CDH12: variants seen among roughly 807,000 people sequenced by gnomAD.
CDH12 encodes cadherin-12.
Under a neutral mutation model 74.1 loss-of-function variants are expected in CDH12, and 41 were observed. That is an observed-to-expected ratio of 0.55 (90% CI 0.43 to 0.72). CDH12 has a LOEUF of 0.72. Ranked by LOEUF, CDH12 falls within the 30% of genes least tolerant of loss-of-function variation. The pLI is 0.00. For missense variants in CDH12, 945 were observed against 977.2 expected (o/e 0.97, Z 0.44); for synonymous variants, 399 against 355.0 (o/e 1.12, Z -1.39).
chr5:22,080,617 A>G (rs1162773872), intron 4 of CDH12, among the ~76,000 whole-genome samples: 2 of 152,140 alleles, frequency 1.3e-5, no homozygotes, highest in African/African-American at 4.8e-5. Flanking sequence ...AAAATTGGCA[A>G]TTTGGGATCA....
chr5:22,694,932 C>T (rs138038177), intron 1 of CDH12, among the ~76,000 whole-genome samples: 3,592 of 152,024 alleles, frequency 0.024, 141 homozygotes, highest in African/African-American at 0.083. Flanking sequence ...ATCAACCCAT[C>T]ATCTAGGTTT....
At chr5:22,831,409 C>T (rs1736606325) in intron 1 of CDH12, among the ~76,000 whole-genome samples, 1 of 141,088 alleles carries the variant, frequency 7.1e-6, no homozygotes, top group South Asian at 2.3e-4. Context: ...TTCAAATGAG[C>T]CTGGAAAAGT....
intron 1 of CDH12, among the ~76,000 whole-genome samples, chr5:22,817,162 T>C (rs892048917): frequency 2.6e-5 from 4 of 152,130 alleles, no homozygotes; most frequent in Non-Finnish European, 5.9e-5. Context: ...ATGTATTATA[T>C]AATGAAGCTC....
At chr5:21,902,074 A>T (rs1408503703) in intron 6 of CDH12, among the ~76,000 whole-genome samples, 1 of 152,062 alleles carries the variant, frequency 6.6e-6, no homozygotes, top group Admixed American at 6.6e-5. Context: ...ATCTTTCAAA[A>T]TTATGCACTA....
intron 2 of CDH12, among the ~76,000 whole-genome samples, chr5:22,409,913 A>G (rs963887955): frequency 2.6e-5 from 4 of 152,116 alleles, no homozygotes; most frequent in Admixed American, 6.6e-5. Context: ...CAGCTCGAAG[A>G]TAAATGCTTA....
At chr5:22,249,131 T>C (rs921098135) in intron 3 of CDH12, among the ~76,000 whole-genome samples, 5 of 152,072 alleles carry the variant, frequency 3.3e-5, no homozygotes, top group Non-Finnish European at 5.9e-5. Flanking sequence ...CACACCAATA[T>C]CCCTTTTAAT....
At chr5:22,357,871 T>C (rs1359140826) in intron 3 of CDH12, among the ~76,000 whole-genome samples, 1 of 152,176 alleles carries the variant, frequency 6.6e-6, no homozygotes, top group Non-Finnish European at 1.5e-5. Context: ...TTTGTCCTGA[T>C]AAAAGTTCTT....
chr5:21,861,216 T>C (rs1751027661), intron 6 of CDH12, among the ~76,000 whole-genome samples: 1 of 151,768 alleles, frequency 6.6e-6, no homozygotes, highest in South Asian at 2.1e-4. Flanking sequence ...GATTTATTTT[T>C]ATCTCATTAT....
At chr5:21,803,735 T>C (rs768438618) in intron 9 of CDH12, among the ~76,000 whole-genome samples, 1 of 152,162 alleles carries the variant, frequency 6.6e-6, no homozygotes, top group Non-Finnish European at 1.5e-5. Context: ...TTATGTTTTC[T>C]AAAGGAATTC....
chr5:22,759,120 G>A (rs1002875316), intron 1 of CDH12, among the ~76,000 whole-genome samples: 1 of 151,860 alleles, frequency 6.6e-6, no homozygotes, highest in Non-Finnish European at 1.5e-5. Context: ...AGTTAAAACT[G>A]GAATCAGAAC....
chr5:22,100,710 C>T (rs1038528095), intron 4 of CDH12, among the ~76,000 whole-genome samples: 1 of 144,222 alleles, frequency 6.9e-6, no homozygotes, highest in Non-Finnish European at 1.5e-5. Flanking sequence ...TTTAGATAAC[C>T]CATTCTACTT....
intron 3 of CDH12, among the ~76,000 whole-genome samples, chr5:22,285,097 C>G (rs538776788): frequency 6.6e-6 from 1 of 151,848 alleles, no homozygotes; most frequent in Non-Finnish European, 1.5e-5. Context: ...TGGAATAAAA[C>G]AATCAAAAAA....
At chr5:22,645,480 A>AGG (rs1739391479) in intron 1 of CDH12, among the ~76,000 whole-genome samples, 1 of 152,052 alleles carries the variant, frequency 6.6e-6, no homozygotes, top group Admixed American at 6.6e-5. Flanking sequence ...TTAGCAAATA[A>AGG]AATGGTTTCT....
chr5:22,463,540 A>G (rs764334989), intron 2 of CDH12, among the ~76,000 whole-genome samples: 13 of 152,150 alleles, frequency 8.5e-5, no homozygotes, highest in Non-Finnish European at 1.8e-4. Flanking sequence ...ATAATTGTTC[A>G]CTTGTTGAAT....
intron 2 of CDH12, among the ~76,000 whole-genome samples, chr5:22,448,889 T>C (rs1744933883): frequency 6.6e-6 from 1 of 152,002 alleles, no homozygotes. Flanking sequence ...TTATGATTAT[T>C]ATTTTTTCAA....
Position 22,230,473 on chromosome 5 carries a change from A to ATTTT in CDH12, c.-332-17834_-332-17831dup, listed in dbSNP as rs35066570. On this transcript the variant is annotated intron_variant, in intron 3 of 14. Coordinates refer to ENST00000382254, the MANE Select transcript of CDH12 (RefSeq NM_004061.5). The stretch of plus-strand genomic sequence containing the variant: ...TATTGTCAAAAAAAGAGATGTCATA[A>ATTTT]TTTTTTTTTTTTTTTTTTGACAGAG... 6.7e-3 allele frequency among the ~76,000 whole-genome samples: 898 copies of ATTTT among 133,600 alleles called. 18 individuals carry two copies. Among genetic ancestry groups the ATTTT allele is most frequent in the African/African-American group, 0.024 (827 of 35,136 alleles). The allele number at this position is 133,600 out of a possible 152,430, so 87.6% of individuals were successfully genotyped here.
At chr5:21,900,860 C>A (rs922053709) in intron 6 of CDH12, among the ~76,000 whole-genome samples, 22 of 152,162 alleles carry the variant, frequency 1.4e-4, no homozygotes, top group African/African-American at 5.3e-4. Flanking sequence ...TTTAAAACCT[C>A]TGCCTAAATA....
At chr5:22,544,281 A>C (rs924176828) in intron 1 of CDH12, among the ~76,000 whole-genome samples, 3 of 152,142 alleles carry the variant, frequency 2.0e-5, no homozygotes, top group African/African-American at 7.2e-5. Context: ...CTGATGAAAA[A>C]TTAAACAGCT....
chr5:22,454,364 G>A (rs1243981981), intron 2 of CDH12, among the ~76,000 whole-genome samples: 1 of 152,094 alleles, frequency 6.6e-6, no homozygotes, highest in Non-Finnish European at 1.5e-5. Flanking sequence ...CAATACTTAT[G>A]AGATCCCTAC....
Sources: allele counts gnomAD v4.1 joint callset (sites outside exome capture counted in the v4.1 genomes callset), GRCh38; gene constraint gnomAD v4.1.1; transcripts MANE v1.5; gene names NCBI Gene and HGNC (gene_info 2026-07-23, HGNC 2026-07-21).